Variants in CCDC171 observed in about 807,000 individuals in gnomAD.
CCDC171 encodes the protein coiled-coil domain containing 171, also known as coiled-coil domain-containing protein 171.
In CCDC171, 177 loss-of-function variants were observed where a neutral mutation model predicts 168.2. That is an observed-to-expected ratio of 1.05 (90% confidence interval 0.93 to 1.19). CCDC171 has a LOEUF of 1.19. CCDC171 is among the 50% of genes most tolerant of loss of function. The pLI is 0.00. For synonymous variants in CCDC171, 687 were observed against 540.8 expected (o/e 1.27, Z -3.75); for missense variants, 1,991 against 1,539.0 (o/e 1.29, Z -4.91).
intron 21 of CCDC171, among the ~76,000 whole-genome samples, chr9:15,813,616 G>GTGTGTC (rs940315725): frequency 7.9e-5 from 12 of 151,704 alleles, no homozygotes; most frequent in African/African-American, 2.9e-4. Flanking sequence ...TTGTGTGTGT[G>GTGTGTC]TGTGTGTATA....
chr9:15,768,386 G>T (rs1181027997), intron 18 of CCDC171, among the ~76,000 whole-genome samples: 1 of 151,852 alleles, frequency 6.6e-6, no homozygotes, highest in African/African-American at 2.4e-5. Context: ...TTCTTATTGG[G>T]TTATTTTTTT....
rs1305383950 is a variant in CCDC171 at position 15,817,561 on chromosome 9, T to A, written c.3268-29141T>A. ...CAGGAGATTATATCCAGCACCTGGC[T>A]TGGAGGGTCCTACGCCCACGGAGCC... On this transcript the variant is annotated intron_variant, in intron 21 of 25. Coordinates refer to ENST00000380701, the MANE Select transcript of CCDC171 (RefSeq NM_173550.4). 1.7e-5 allele frequency among the ~76,000 whole-genome samples: 2 copies of A among 118,476 alleles called. 1 individual carries two copies. The highest frequency in any genetic ancestry group is 3.8e-5 in the Non-Finnish European group (2 of 52,412). 77.7% of individuals were successfully genotyped at this position (118,476 alleles called of 152,430 possible). A position where few individuals can be genotyped will look rare whatever the true frequency, so the allele number is the denominator to read the frequency against.
At chr9:16,040,664 C>A (rs1462784834), upstream of CCDC171, among the ~76,000 whole-genome samples, 4 of 152,188 alleles carry the variant, frequency 2.6e-5, no homozygotes, top group African/African-American at 9.7e-5. Context: ...TTTACAAGAG[C>A]AGCTATAGGG....
chr9:16,094,098 G>A, the CCDC171 span, among the ~76,000 whole-genome samples: 1 of 152,206 alleles, frequency 6.6e-6, no homozygotes, highest in Non-Finnish European at 1.5e-5. Context: ...GATAAGCAGT[G>A]TGGGGAGAGA....
intron 25 of CCDC171, among the ~76,000 whole-genome samples, chr9:15,929,652 A>G (rs1161095759): frequency 2.6e-5 from 4 of 151,698 alleles, no homozygotes; most frequent in South Asian, 2.1e-4. Flanking sequence ...TGGTCACATG[A>G]CCATTTCCCT....
At chr9:16,086,252 T>C in the CCDC171 span, among the ~76,000 whole-genome samples, 1 of 152,176 alleles carries the variant, frequency 6.6e-6, no homozygotes, top group Non-Finnish European at 1.5e-5. Context: ...GAGGTATTTA[T>C]AGTATTCTCT....
chr9:15,944,080 C>A (rs977597134), intron 25 of CCDC171, among the ~76,000 whole-genome samples: 3 of 151,894 alleles, frequency 2.0e-5, no homozygotes, highest in Admixed American at 2.0e-4. Flanking sequence ...TTTCTTTCTG[C>A]AGTTCTTTAC....
intron 7 of CCDC171, among the ~76,000 whole-genome samples, chr9:15,646,716 A>G (rs1379252007): frequency 2.0e-5 from 3 of 152,232 alleles, no homozygotes; most frequent in South Asian, 2.1e-4. Flanking sequence ...CTAAATATAT[A>G]TGCACCCAAT....
chr9:15,682,123 C>G (rs1006813861), intron 10 of CCDC171, among the ~76,000 whole-genome samples: 19 of 151,978 alleles, frequency 1.3e-4, no homozygotes, highest in African/African-American at 4.3e-4. Flanking sequence ...AGTCACTATC[C>G]TCTATAGGTT....
At chr9:15,965,609 G>A (rs1284183882) in intron 25 of CCDC171, among the ~76,000 whole-genome samples, 3 of 152,196 alleles carry the variant, frequency 2.0e-5, no homozygotes, top group African/African-American at 7.2e-5. Flanking sequence ...ATCTAGCACA[G>A]TGCCTGACAT....
intron 18 of CCDC171, among the ~76,000 whole-genome samples, chr9:15,763,157 C>T (rs545032805): frequency 6.6e-6 from 1 of 152,172 alleles, no homozygotes. Context: ...GGAAGAGACA[C>T]ATAGGGTGAA....
chr9:16,030,128 G>C (rs4740631), intron 6 of CCDC171, among the ~76,000 whole-genome samples: 61,199 of 151,956 alleles, frequency 0.4, 13,949 homozygotes, highest in East Asian at 0.73. Flanking sequence ...ATCTTATCAT[G>C]TCCCAAAGAC....
At chr9:16,011,576 T>C (rs1441684255) in intron 3 of CCDC171, among the ~76,000 whole-genome samples, 1 of 152,182 alleles carries the variant, frequency 6.6e-6, no homozygotes, top group East Asian at 1.9e-4. Flanking sequence ...GAGCAGAATG[T>C]GCATACTTTT....
chr9:15,552,916 C>G (rs2038453533), upstream of CCDC171, among the ~76,000 whole-genome samples: 1 of 152,178 alleles, frequency 6.6e-6, no homozygotes, highest in African/African-American at 2.4e-5. Flanking sequence ...CGAAGGCGCG[C>G]TGCTTGGCGG....
chr9:15,901,721 T>C (rs540101592), intron 24 of CCDC171, among the ~76,000 whole-genome samples: 1 of 152,306 alleles, frequency 6.6e-6, no homozygotes, highest in East Asian at 1.9e-4. Flanking sequence ...TGTTAAACAT[T>C]AATGTGTCCT....
chr9:15,826,677 A>G (rs990112939), intron 21 of CCDC171, among the ~76,000 whole-genome samples: 3 of 152,180 alleles, frequency 2.0e-5, no homozygotes, highest in African/African-American at 7.2e-5. Flanking sequence ...ATCTCATGCA[A>G]CAAGCTAGCA....
chr9:15,847,890 A>G (rs894198874), intron 22 of CCDC171, among the ~76,000 whole-genome samples: 1 of 152,074 alleles, frequency 6.6e-6, no homozygotes, highest in Non-Finnish European at 1.5e-5. Flanking sequence ...TGTTTGAATA[A>G]CCACTGATAA....
chr9:15,757,036 A>G (rs1013294492), intron 18 of CCDC171, among the ~76,000 whole-genome samples: 2 of 152,198 alleles, frequency 1.3e-5, no homozygotes, highest in Non-Finnish European at 2.9e-5. Flanking sequence ...AAAATGGACT[A>G]ACTAATACAG....
chr9:15,573,213 A>G (rs1202415629), intron 3 of CCDC171, among the ~76,000 whole-genome samples: 6 of 152,228 alleles, frequency 3.9e-5, no homozygotes, highest in African/African-American at 1.2e-4. Context: ...TGAAATAACA[A>G]GAGATGAATA....
Sources: gnomAD v4.1 joint callset for allele counts (sites outside exome capture counted in the v4.1 genomes callset) on GRCh38, gnomAD v4.1.1 for gene constraint, MANE v1.5 for transcripts, NCBI Gene and HGNC (gene_info 2026-07-23, HGNC 2026-07-21) for gene names.